The following SUSD4 variants were observed in gnomAD, a reference collection of about 807,000 sequenced individuals.
The protein encoded by SUSD4 is sushi domain-containing protein 4.
A neutral mutation model predicts 50.5 loss-of-function variants in SUSD4; 41 were observed. That is an observed-to-expected ratio of 0.81 (90% confidence interval 0.63 to 1.05). The LOEUF is 1.05. SUSD4 is among the 50% of genes least tolerant of loss of function. The probability of loss-of-function intolerance (pLI) is 0.00; values close to 1 mark genes in which losing one functional copy is unlikely to be tolerated. For missense variants in SUSD4, 580 were observed against 634.7 expected, an observed-to-expected ratio of 0.91 and a Z score of 0.93; for synonymous variants, 257 against 257.3, an observed-to-expected ratio of 1.00 and a Z score of 0.01.
intron 2 of SUSD4, among the ~76,000 whole-genome samples, chr1:223,344,371 A>T (rs180842583): frequency 1.2e-3 from 179 of 152,158 alleles, no homozygotes; most frequent in Non-Finnish European, 2.0e-3. Context: ...CACAAAAATA[A>T]ATTTTGTGAG....
In SUSD4 at chr1:223,261,349, G is replaced by A. The variant is rs1662109350; in HGVS notation, c.724+3281C>T. On this transcript the variant is annotated intron_variant, in intron 5 of 8. Transcript: ENST00000366878. ...AATCAGAACATGTTAAATAGACAAT[G>A]TACCTTGGTGATCAAGAACATGAGC... 2.0e-5 allele frequency among the ~76,000 whole-genome samples: 3 copies of A among 152,308 alleles called. No homozygotes were observed. The East Asian group carries it at 5.8e-4, about 29-fold the overall frequency.
At chr1:223,294,232 C>A (rs1664682811) in intron 2 of SUSD4, among the ~76,000 whole-genome samples, 1 of 152,178 alleles carries the variant, frequency 6.6e-6, no homozygotes, top group Non-Finnish European at 1.5e-5. Context: ...CCACCCCCAG[C>A]ACAGCCTGCT....
At chr1:223,280,068 C>T (rs555610281) in intron 3 of SUSD4, among the ~76,000 whole-genome samples, 1 of 152,146 alleles carries the variant, frequency 6.6e-6, no homozygotes, top group African/African-American at 2.4e-5. Flanking sequence ...GCCTGCCCTA[C>T]AAGAGCTCCT....
chr1:223,278,116 G>C (rs775660215), intron 3 of SUSD4, among the ~76,000 whole-genome samples: 7 of 152,116 alleles, frequency 4.6e-5, no homozygotes, highest in Admixed American at 2.0e-4. Flanking sequence ...GAACAGCTCC[G>C]GTCTATGGTT....
intron 5 of SUSD4, among the ~76,000 whole-genome samples, chr1:223,234,281 AGT>A (rs1386576555): frequency 6.6e-6 from 1 of 152,108 alleles, no homozygotes; most frequent in African/African-American, 2.4e-5. Flanking sequence ...CTTTCAATTT[AGT>A]GTCTTTTCCT....
chr1:223,277,377 G>T (rs1200487993), intron 3 of SUSD4, among the ~76,000 whole-genome samples: 1 of 152,000 alleles, frequency 6.6e-6, no homozygotes, highest in Non-Finnish European at 1.5e-5. Context: ...GCAAACTGGA[G>T]CTGTGGCAGG....
chr1:223,303,127 T>C (rs965295906), intron 2 of SUSD4, among the ~76,000 whole-genome samples: 4 of 152,086 alleles, frequency 2.6e-5, no homozygotes, highest in African/African-American at 9.7e-5. Flanking sequence ...TACCCAAGCC[T>C]GGGCAACAGA....
intron 7 of SUSD4, among the ~76,000 whole-genome samples, chr1:223,226,346 T>C (rs534309650): frequency 3.5e-4 from 54 of 152,344 alleles, no homozygotes; most frequent in African/African-American, 1.3e-3. Flanking sequence ...GACACACCTC[T>C]GGGCCTGGGG....
At chr1:223,307,229 G>A (rs143380030) in intron 2 of SUSD4, among the ~76,000 whole-genome samples, 102 of 152,234 alleles carry the variant, frequency 6.7e-4, no homozygotes, top group African/African-American at 2.0e-3. Context: ...GACAATGCAT[G>A]GGGCAATCTC....
rs1487201472 is a variant in SUSD4 at position 223,221,178 on chromosome 1, G to GA, written c.*1013dup. On this transcript the variant is annotated 3_prime_UTR_variant, in exon 9 of 9. Transcript: ENST00000366878. ...GGAATCTTAGGACAAATAAAAGGGG[G>GA]AAAAATCCAACCTCACACTTCTTTT... 3 of 400,564 alleles carry GA rather than the reference G, an allele frequency of 7.5e-6. No homozygotes were observed. The highest frequency in any genetic ancestry group is 2.1e-5 in the African/African-American group (1 of 48,702). 24.8% of individuals were successfully genotyped at this position (400,564 alleles called of 1,614,324 possible).
intron 2 of SUSD4, chr1:223,360,308 T>G (rs1007611636): frequency 1.5e-5 from 7 of 462,980 alleles, no homozygotes; most frequent in Non-Finnish European, 3.1e-5. Context: ...TCTGGTCAAG[T>G]GTACTGGGGC....
intron 2 of SUSD4, among the ~76,000 whole-genome samples, chr1:223,354,025 T>C (rs1050029949): frequency 8.6e-5 from 13 of 151,142 alleles, no homozygotes; most frequent in African/African-American, 3.2e-4. Context: ...GAGTGAAACG[T>C]TGTCTCAAGA....
chr1:223,268,631 T>C lies in SUSD4; in HGVS notation c.406A>G (p.Thr136Ala). 6.2e-7 allele frequency: 1 copy of C among 1,613,974 alleles called. No homozygotes were observed. Among genetic ancestry groups the C allele is most frequent in the Non-Finnish European group, 8.5e-7 (1 of 1,179,966 alleles). ...ATTAGCTTCTCTCCATGTCTATATG[T>C]CTTGTTATGAATCTCAGCATCTTCG... ...QIEDAEIHNK[T>A]YRHGEKLIIT... Residue 136 changes from threonine to alanine, a missense_variant, in exon 4 of 9, where the codon ACA (threonine) becomes GCA (alanine). Physicochemically the swap from Thr to Ala is moderately conservative, Grantham distance 58 (BLOSUM62 0). Coordinates refer to ENST00000366878, the MANE Select transcript of SUSD4 (RefSeq NM_017982.4).
chr1:223,310,799 C>G (rs1412799049), intron 2 of SUSD4, among the ~76,000 whole-genome samples: 3 of 152,232 alleles, frequency 2.0e-5, no homozygotes, highest in Non-Finnish European at 4.4e-5. Flanking sequence ...TCAGAAATGG[C>G]CCATGTGGCC....
rs1659588876 is a variant in SUSD4, at chr1:223,227,388, AGGAG to A, written c.1061+202_1061+205del. Among the ~76,000 whole-genome samples, 1 of 152,204 alleles carries A rather than the reference AGGAG, an allele frequency of 6.6e-6. No individual in the cohort carries two copies. Among genetic ancestry groups the A allele is most frequent in the Non-Finnish European group, 1.5e-5 (1 of 68,034 alleles). The stretch of plus-strand genomic sequence containing the variant: ...CACCTGCAAATGGTCTACTGCAGGA[AGGAG>A]GGAGAGAGGTAGGAAAGAAAGAAAG... On this transcript the variant is annotated intron_variant, in intron 7 of 8. Coordinates refer to ENST00000366878, the MANE Select transcript of SUSD4 (RefSeq NM_017982.4). The surrounding 1 kb of genome is among the most constrained non-coding windows in gnomAD (Gnocchi z 4.5).
chr1:223,222,322 TGAG>T lies in SUSD4; in HGVS notation c.1445-105_1445-103del, dbSNP rs540772669. 4.9e-4 allele frequency: 619 copies of T among 1,255,878 alleles called. 4 individuals carry two copies. The African/African-American group carries it at 6.6e-3, about 13-fold the overall frequency. 77.8% of individuals were successfully genotyped at this position (1,255,878 alleles called of 1,614,324 possible). On this transcript the variant is annotated intron_variant, in intron 8 of 8. Transcript: ENST00000366878. The stretch of plus-strand genomic sequence containing the variant: ...AAATATCTACAGTTTCTCAAATCAG[TGAG>T]GAGAAGAAAATGTTAAGTTCCACAT...
At chr1:223,317,048 G>A (rs578216264) in intron 2 of SUSD4, among the ~76,000 whole-genome samples, 1 of 152,310 alleles carries the variant, frequency 6.6e-6, no homozygotes, top group South Asian at 2.1e-4. Flanking sequence ...CTAGGAGCTG[G>A]ATAAAATGAG....
intron 2 of SUSD4, among the ~76,000 whole-genome samples, chr1:223,328,111 T>C (rs1273918724): frequency 6.6e-6 from 1 of 152,146 alleles, no homozygotes; most frequent in East Asian, 1.9e-4. Context: ...AAAAAAAAGT[T>C]TTTAAAAGAA....
intron 5 of SUSD4, among the ~76,000 whole-genome samples, chr1:223,236,124 T>G (rs1660202682): frequency 6.6e-6 from 1 of 152,244 alleles, no homozygotes; most frequent in Admixed American, 6.5e-5. Context: ...TGAAGCATCT[T>G]TTCATATGCT....
Sources: gnomAD v4.1 joint callset for allele counts (sites outside exome capture counted in the v4.1 genomes callset) on GRCh38, gnomAD v4.1.1 for gene constraint, Gnocchi (gnomAD v3.1) non-coding constraint, MANE v1.5 for transcripts, NCBI Gene and HGNC (gene_info 2026-07-23, HGNC 2026-07-21) for gene names.